Variants in DGKB observed in about 807,000 individuals in gnomAD.
DGKB encodes the protein 90 kDa diacylglycerol kinase.
In DGKB, 67 loss-of-function variants were observed where a neutral mutation model predicts 114.3. The observed-to-expected ratio is 0.59, with a 90% CI of 0.48 to 0.72. The LOEUF is 0.72. Ranked by LOEUF, DGKB falls within the 30% of genes least tolerant of loss-of-function variation. DGKB has a pLI of 0.00. For synonymous variants in DGKB, 398 were observed against 323.1 expected, an observed-to-expected ratio of 1.23 and a Z score of -2.49; for missense variants, 907 against 975.2, an observed-to-expected ratio of 0.93 and a Z score of 0.93.
At chr7:14,212,808 C>G (rs1333978821) in intron 23 of DGKB, among the ~76,000 whole-genome samples, 1 of 152,058 alleles carries the variant, frequency 6.6e-6, no homozygotes, top group East Asian at 1.9e-4. Flanking sequence ...CACCATCCAT[C>G]TAACTGATTA....
intron 5 of DGKB, among the ~76,000 whole-genome samples, chr7:14,730,922 A>G (rs1365475341): frequency 6.6e-6 from 1 of 152,170 alleles, no homozygotes; most frequent in African/African-American, 2.4e-5. Context: ...GAAACCCAGG[A>G]GTAATATAAT....
At chr7:14,154,001 T>G (rs1410584242) in intron 25 of DGKB, among the ~76,000 whole-genome samples, 1 of 151,872 alleles carries the variant, frequency 6.6e-6, no homozygotes, top group Non-Finnish European at 1.5e-5. Flanking sequence ...TTTGGGGTGT[T>G]TTCTAGCAAA....
chr7:14,753,241 A>G (rs1048654398), intron 4 of DGKB, among the ~76,000 whole-genome samples: 1 of 152,246 alleles, frequency 6.6e-6, no homozygotes, highest in Non-Finnish European at 1.5e-5. Context: ...TAGATAACTC[A>G]TACATTTTAG....
chr7:14,764,360 T>C (rs555870313), intron 2 of DGKB, among the ~76,000 whole-genome samples: 9 of 152,038 alleles, frequency 5.9e-5, no homozygotes, highest in South Asian at 4.1e-4. Flanking sequence ...CATAGTAGCA[T>C]TCAGTCCAAT....
chr7:14,657,382 T>C (rs1816067733), intron 13 of DGKB, among the ~76,000 whole-genome samples: 1 of 151,924 alleles, frequency 6.6e-6, no homozygotes, highest in Non-Finnish European at 1.5e-5. Context: ...TCTTTTTGCC[T>C]ATCATTACTA....
intron 1 of DGKB, among the ~76,000 whole-genome samples, chr7:14,972,655 C>A (rs888083389): frequency 2.2e-5 from 3 of 136,686 alleles, no homozygotes; most frequent in African/African-American, 6.0e-5. Flanking sequence ...TTGCTGATGT[C>A]CTCTCAAAGA....
intron 21 of DGKB, among the ~76,000 whole-genome samples, chr7:14,392,609 T>C (rs1004767453): frequency 1.3e-5 from 2 of 152,166 alleles, no homozygotes; most frequent in African/African-American, 4.8e-5. Flanking sequence ...CCTGGGGTCT[T>C]ACCAGGGCAT....
At chr7:14,509,333 G>T (rs1310993981) in intron 20 of DGKB, among the ~76,000 whole-genome samples, 1 of 152,024 alleles carries the variant, frequency 6.6e-6, no homozygotes, top group Non-Finnish European at 1.5e-5. Context: ...GAAGAGAAAA[G>T]TCTCCCTATT....
Position 14,147,600 on chromosome 7 carries a change from A to G in DGKB, c.*1531T>C, listed in dbSNP as rs1281795538. On this transcript the variant is annotated 3_prime_UTR_variant, in exon 26 of 26. Transcript: ENST00000402815. ...TTATTCAAAGAAAGATGAATGAATC[A>G]ATAACAAAATAGAACCGATAAATCA... The G allele has an allele frequency of 1.3e-5, 2 of 152,368 alleles. No homozygotes were observed. Among genetic ancestry groups the G allele is most frequent in the African/African-American group, 4.8e-5 (2 of 41,450 alleles). The allele number at this position is 152,368 out of a possible 1,614,324, so 9.4% of individuals were successfully genotyped here.
At chr7:14,421,679 T>C (rs147221001) in intron 21 of DGKB, among the ~76,000 whole-genome samples, 100 of 152,214 alleles carry the variant, frequency 6.6e-4, no homozygotes, top group African/African-American at 2.4e-3. Context: ...AGATATTTTA[T>C]TGGGTAGAGT....
chr7:14,860,015 CTTAT>C (rs1474879498), intron 1 of DGKB, among the ~76,000 whole-genome samples: 63 of 152,156 alleles, frequency 4.1e-4, no homozygotes, highest in African/African-American at 1.5e-3. Flanking sequence ...TACCTACTTA[CTTAT>C]TTTTCACTGT....
intron 2 of DGKB, among the ~76,000 whole-genome samples, chr7:14,838,642 T>C (rs1295122442): frequency 1.3e-5 from 2 of 152,172 alleles, no homozygotes; most frequent in African/African-American, 4.8e-5. Flanking sequence ...CAGTCGTCTT[T>C]CATGATCTAC....
intron 1 of DGKB, among the ~76,000 whole-genome samples, chr7:14,967,664 A>G (rs1562910912): frequency 6.6e-6 from 1 of 151,412 alleles, no homozygotes; most frequent in Non-Finnish European, 1.5e-5. Context: ...AAAAAAAAAA[A>G]AAAAAAAAAA....
At chr7:14,353,605 T>C (rs889445230) in intron 21 of DGKB, among the ~76,000 whole-genome samples, 1 of 152,176 alleles carries the variant, frequency 6.6e-6, no homozygotes, top group African/African-American at 2.4e-5. Context: ...GATACATAAA[T>C]AGAATCATTA....
At chr7:14,190,586 C>A (rs868381971) in intron 23 of DGKB, among the ~76,000 whole-genome samples, 7 of 151,566 alleles carry the variant, frequency 4.6e-5, no homozygotes, top group African/African-American at 1.7e-4. Context: ...AACAAAAATT[C>A]AAAAGATCAA....
intron 21 of DGKB, among the ~76,000 whole-genome samples, chr7:14,386,792 T>A (rs1820412012): frequency 6.6e-6 from 1 of 152,032 alleles, no homozygotes; most frequent in Non-Finnish European, 1.5e-5. Flanking sequence ...ATTCTGAGGG[T>A]GGGTGGCAGA....
At chr7:14,779,325 G>A (rs1173332766) in intron 2 of DGKB, among the ~76,000 whole-genome samples, 36 of 152,062 alleles carry the variant, frequency 2.4e-4, no homozygotes, top group Middle Eastern at 6.8e-3. Flanking sequence ...TGCTTGAGCC[G>A]AGGAGTTCAA....
chr7:14,850,856 A>C (rs547508792), intron 1 of DGKB, among the ~76,000 whole-genome samples: 1 of 152,324 alleles, frequency 6.6e-6, no homozygotes, highest in South Asian at 2.1e-4. Flanking sequence ...ATTCTTACAC[A>C]TTTGAGTTAG....
chr7:14,148,747 C>T lies in DGKB; in HGVS notation c.*384G>A, dbSNP rs116627194. 1.5e-3 allele frequency: 422 copies of T among 277,958 alleles called. 1 individual carries two copies. The highest frequency in any genetic ancestry group is 8.7e-3 in the African/African-American group (379 of 43,414). 17.2% of individuals were successfully genotyped at this position (277,958 alleles called of 1,614,324 possible). A position where few individuals can be genotyped will look rare whatever the true frequency, so the allele number is the denominator to read the frequency against. On this transcript the variant is annotated 3_prime_UTR_variant, in exon 26 of 26. Transcript: ENST00000402815. The stretch of plus-strand genomic sequence containing the variant: ...ATTGTAGCGTTACTGATTAGTGCTT[C>T]GTAATAATTGGAATCACACTGAGAA...
Sources: gnomAD v4.1 joint callset for allele counts (sites outside exome capture counted in the v4.1 genomes callset) on GRCh38, gnomAD v4.1.1 for gene constraint, MANE v1.5 for transcripts, NCBI Gene and HGNC (gene_info 2026-07-23, HGNC 2026-07-21) for gene names.